The following FKBP3 variants were observed in gnomAD, a reference collection of about 807,000 sequenced individuals.
FKBP3 encodes the protein FKBP prolyl isomerase 3, also known as peptidyl-prolyl cis-trans isomerase FKBP3.
A neutral mutation model predicts 30.6 loss-of-function variants in FKBP3; 21 were observed. That is an observed-to-expected ratio of 0.69 (90% CI 0.49 to 0.99). The LOEUF (loss-of-function observed/expected upper bound fraction) is 0.99, where lower values mean the gene tolerates loss of function less well. Ranked by LOEUF, FKBP3 falls within the 50% of genes least tolerant of loss-of-function variation. The probability of loss-of-function intolerance (pLI) is 0.00; values close to 1 mark genes in which losing one functional copy is unlikely to be tolerated. For missense variants in FKBP3, 283 were observed against 261.6 expected (o/e 1.08, Z -0.56); for synonymous variants, 82 against 91.3 (o/e 0.90, Z 0.58).
chr14:45,127,331 T>G (rs1017891907), intron 3 of FKBP3, among the ~76,000 whole-genome samples: 5 of 151,460 alleles, frequency 3.3e-5, no homozygotes, highest in African/African-American at 1.2e-4. Context: ...GCCAGGCTGG[T>G]CTCGAACTCC....
chr14:45,121,426 GCCAC>G lies in FKBP3; in HGVS notation c.454+55_454+58del, dbSNP rs1252210835. 3.4e-6 allele frequency: 5 copies of G among 1,455,248 alleles called. No individual in the cohort carries two copies. The African/African-American group carries it at 7.0e-5, about 20-fold the overall frequency. 90.1% of individuals were successfully genotyped at this position (1,455,248 alleles called of 1,614,324 possible). A position where few individuals can be genotyped will look rare whatever the true frequency, so the allele number is the denominator to read the frequency against. On this transcript the variant is annotated intron_variant, in intron 4 of 6. Coordinates refer to ENST00000396062, the MANE Select transcript of FKBP3 (RefSeq NM_002013.4). ...GGTACTGCTAACTACTCATCTGTCT[GCCAC>G]CCAAGTATTTAGAATCTCTTTAAGC...
chr14:45,131,013 C>G (rs1389239636), intron 1 of FKBP3: 1 of 446,068 alleles, frequency 2.2e-6, no homozygotes, highest in Non-Finnish European at 4.0e-6. Flanking sequence ...AAGACTGCAA[C>G]TGTAGTGTTA....
chr14:45,123,464 C>CCTGTCT (rs1555356787), intron 3 of FKBP3, among the ~76,000 whole-genome samples: 20 of 151,754 alleles, frequency 1.3e-4, no homozygotes, highest in African/African-American at 3.1e-4. Flanking sequence ...AGATAGGACC[C>CCTGTCT]CTGTCTCTGT....
intron 5 of FKBP3, among the ~76,000 whole-genome samples, chr14:45,119,458 A>C (rs1884932718): frequency 6.6e-6 from 1 of 151,896 alleles, no homozygotes; most frequent in African/African-American, 2.4e-5. Context: ...AATCCCAGCT[A>C]TTCGGGAGGC....
chr14:45,130,739 T>C lies in FKBP3; in HGVS notation c.170A>G (p.Asp57Gly), dbSNP rs374519856. The C allele has an allele frequency of 1.6e-5, 25 of 1,611,026 alleles. No individual in the cohort carries two copies. Among genetic ancestry groups the C allele is most frequent in the Non-Finnish European group, 1.9e-5 (22 of 1,178,764 alleles). ...ATGGTTATAGGCTGTAACCAAGTGG[T>C]CCTTGTTAGCTGTCTTGGCCACATT... is the stretch of plus-strand genomic sequence containing the variant. ...IKNVAKTANKDHLVTAYNHLF... is the reference protein window; with the variant it reads ...IKNVAKTANKGHLVTAYNHLF... The change falls in exon 2 of 7, where the codon GAC becomes GGC. Residue 57 changes from aspartate (D) to glycine (G), a missense_variant. Asp to Gly is a moderately conservative substitution (Grantham distance 94, BLOSUM62 -1). Coordinates refer to ENST00000396062, the MANE Select transcript of FKBP3 (RefSeq NM_002013.4).
chr14:45,131,456 AC>A (rs1885211845), intron 1 of FKBP3, among the ~76,000 whole-genome samples: 2 of 151,546 alleles, frequency 1.3e-5, no homozygotes, highest in Admixed American at 1.3e-4. Flanking sequence ...ACGTGACAAA[AC>A]CCCATCTCTA....
chr14:45,121,304 T>A (rs545398222), intron 4 of FKBP3, among the ~76,000 whole-genome samples, 181 bp downstream of exon 4: 2 of 152,242 alleles, frequency 1.3e-5, no homozygotes, highest in Middle Eastern at 3.4e-3. Context: ...GAACAAGAGG[T>A]CTTTAGCCAG....
intron 3 of FKBP3, among the ~76,000 whole-genome samples, chr14:45,127,969 AT>A (rs1885136024): frequency 6.6e-6 from 1 of 152,216 alleles, no homozygotes; most frequent in South Asian, 2.1e-4. Context: ...ATTCAGAGAA[AT>A]TTTAAGCTCA....
In FKBP3 at chr14:45,116,328, GACTAGATAGGCTC is replaced by G. The variant is rs1884833944; in HGVS notation, c.621-89_621-77del. 10 of 977,792 alleles carry G rather than the reference GACTAGATAGGCTC, an allele frequency of 1.0e-5. 1 individual carries two copies. The South Asian group carries it at 1.3e-4, about 13-fold the overall frequency. 60.6% of individuals were successfully genotyped at this position (977,792 alleles called of 1,614,324 possible). On this transcript the variant is annotated intron_variant, in intron 6 of 6. Transcript: ENST00000396062. ...CCATAACCTTAGTGTAGGATAGGCTGACTAGATAGGCTCACTAGATAAATTGAGCTTGGACTAG... is the reference window on the plus strand; with the variant it reads ...CCATAACCTTAGTGTAGGATAGGCTGACTAGATAAATTGAGCTTGGACTAG...
In FKBP3 at chr14:45,130,048, G is replaced by A. The variant is rs1426788788; in HGVS notation, c.211-147C>T. 13 of 453,652 alleles carry A rather than the reference G, an allele frequency of 2.9e-5. No homozygotes were observed. In the East Asian group the frequency reaches 3.2e-4, roughly 11 times the overall value. 28.1% of individuals were successfully genotyped at this position (453,652 alleles called of 1,614,324 possible). On this transcript the variant is annotated intron_variant, in intron 2 of 6. Transcript: ENST00000396062. ...TTGTGAATAAATGGTCTAAGGAAAC[G>A]AAGAGCAAAGAAAGAATTTTGCTCA...
At chr14:45,132,359 T>C (rs1885235802) in intron 1 of FKBP3, among the ~76,000 whole-genome samples, 1 of 152,106 alleles carries the variant, frequency 6.6e-6, no homozygotes, top group Non-Finnish European at 1.5e-5. Context: ...AAAATAATTA[T>C]TGTCAAGTAT....
At chr14:45,132,854 G>A (rs1885251257) in intron 1 of FKBP3, among the ~76,000 whole-genome samples, 1 of 152,166 alleles carries the variant, frequency 6.6e-6, no homozygotes, top group Non-Finnish European at 1.5e-5. Flanking sequence ...TGTTTCATAA[G>A]AATATGATGG....
intron 3 of FKBP3, among the ~76,000 whole-genome samples, chr14:45,127,113 G>GTTTTTTTTT (rs1699813615): frequency 4.5e-5 from 5 of 110,134 alleles, no homozygotes; most frequent in African/African-American, 2.1e-4. Flanking sequence ...GACTGACCCT[G>GTTTTTTTTT]TCTTTTTTTT....
intron 1 of FKBP3, among the ~76,000 whole-genome samples, chr14:45,134,083 C>CA (rs1430596479): frequency 6.6e-6 from 1 of 152,202 alleles, no homozygotes; most frequent in Non-Finnish European, 1.5e-5. Flanking sequence ...CCTCCACCCC[C>CA]ACTCAAGGAT....
At chr14:45,126,265 G>T (rs1885094768) in intron 3 of FKBP3, among the ~76,000 whole-genome samples, 1 of 151,610 alleles carries the variant, frequency 6.6e-6, no homozygotes, top group South Asian at 2.1e-4. Context: ...CGAGGTGGGT[G>T]GATCACGAGG....
Position 45,130,807 on chromosome 14 carries a change from G to A in FKBP3, c.109-7C>T, listed in dbSNP as rs1310105917. The A allele has an allele frequency of 3.2e-6, 5 of 1,547,934 alleles. No homozygotes were observed. Among genetic ancestry groups the A allele is most frequent in the Admixed American group, 1.9e-5 (1 of 53,784 alleles). ...ATTTATGTTCTGCAAGAAACTATAA[G>A]GAAAAAAGCTGGGTAATCAAGATAA... On this transcript the variant is annotated splice_polypyrimidine_tract_variant and splice_region_variant and intron_variant, in intron 1 of 6. Transcript: ENST00000396062.
At chr14:45,116,664 T>G (rs1350367207) in intron 6 of FKBP3, among the ~76,000 whole-genome samples, 1 of 152,002 alleles carries the variant, frequency 6.6e-6, no homozygotes, top group African/African-American at 2.4e-5. Flanking sequence ...GTGACCAGCC[T>G]GGCCAACACA....
chr14:45,124,581 G>T, intron 3 of FKBP3, among the ~76,000 whole-genome samples: 1 of 151,334 alleles, frequency 6.6e-6, no homozygotes. Context: ...TTAAGAGACA[G>T]GGTTTCAGTG....
chr14:45,121,373 G>A (rs1372757611), intron 4 of FKBP3, 112 bp downstream of exon 4: 1 of 812,510 alleles, frequency 1.2e-6, no homozygotes, highest in Non-Finnish European at 1.9e-6. Context: ...AGTATGTCTG[G>A]ATGAAAGTAG....
Sources: allele counts gnomAD v4.1 joint callset (sites outside exome capture counted in the v4.1 genomes callset), GRCh38; gene constraint gnomAD v4.1.1; transcripts MANE v1.5; gene names NCBI Gene and HGNC (gene_info 2026-07-23, HGNC 2026-07-21).